MUSK: variants seen among roughly 807,000 people sequenced by gnomAD.
MUSK encodes the protein muscle associated receptor tyrosine kinase.
Under a neutral mutation model 88.7 loss-of-function variants are expected in MUSK, and 55 were observed. The observed-to-expected ratio is 0.62, with a 90% confidence interval of 0.50 to 0.78. The LOEUF (loss-of-function observed/expected upper bound fraction) is 0.78, where lower values mean the gene tolerates loss of function less well. Ranked by LOEUF, MUSK falls within the 30% of genes least tolerant of loss-of-function variation. MUSK has a pLI of 0.00. For synonymous variants in MUSK, 387 were observed against 391.9 expected, an observed-to-expected ratio of 0.99 and a Z score of 0.15; for missense variants, 1,015 against 1,074.3, an observed-to-expected ratio of 0.94 and a Z score of 0.77.
Position 110,775,906 on chromosome 9 carries a change from A to G in MUSK, c.1303A>G (p.Ser435Gly). The G allele has an allele frequency of 2.5e-6, 4 of 1,614,010 alleles. No individual in the cohort carries two copies. Among genetic ancestry groups the G allele is most frequent in the Non-Finnish European group, 3.4e-6 (4 of 1,179,856 alleles). ...EMHLLSVPEC[S>G]KLPSMHWDPT... is the part of the protein sequence containing the mutation. The stretch of plus-strand genomic sequence containing the variant: ...GCATTTGCTGTCCGTGCCAGAATGC[A>G]GCAAGCTTCCCAGCATGCATTGGGA... Residue 435 changes from serine to glycine, a missense_variant, in exon 10 of 15, where the codon AGC becomes GGC. Transcript: ENST00000374448.
At chr9:110,702,532 AG>A (rs2131741838) in intron 5 of MUSK, among the ~76,000 whole-genome samples, 1 of 152,306 alleles carries the variant, frequency 6.6e-6, no homozygotes, top group South Asian at 2.1e-4. Context: ...TTCAACACTC[AG>A]GACTATAGCT....
At chr9:110,768,299 A>G (rs368977901) in intron 9 of MUSK, among the ~76,000 whole-genome samples, 1 of 152,226 alleles carries the variant, frequency 6.6e-6, no homozygotes, top group African/African-American at 2.4e-5. Context: ...GGAGTTTAAC[A>G]CCAGCCTGTC....
Position 110,775,912 on chromosome 9 carries a change from C to A in MUSK, c.1309C>A (p.Leu437Ile). ...HLLSVPECSK[L>I]PSMHWDPTAC... is the part of the protein sequence containing the mutation. ...GCTGTCCGTGCCAGAATGCAGCAAG[C>A]TTCCCAGCATGCATTGGGACCCCAC... The change falls in exon 10 of 15, where the codon CTT (leucine) becomes ATT (isoleucine). Residue 437 changes from leucine (L) to isoleucine (I), a missense_variant. Transcript: ENST00000374448. 1 of 1,614,018 alleles carries A rather than the reference C, an allele frequency of 6.2e-7. No homozygotes were observed. Among genetic ancestry groups the A allele is most frequent in the Non-Finnish European group, 8.5e-7 (1 of 1,179,852 alleles).
chr9:110,799,440 AC>A (rs2078058949), intron 14 of MUSK, among the ~76,000 whole-genome samples: 1 of 152,192 alleles, frequency 6.6e-6, no homozygotes, highest in South Asian at 2.1e-4. Context: ...ACATTGTAAA[AC>A]CTAAATTTCA....
chr9:110,756,843 A>ATG (rs767205372), intron 7 of MUSK, among the ~76,000 whole-genome samples: 83 of 149,798 alleles, frequency 5.5e-4, no homozygotes, highest in East Asian at 5.3e-3. Context: ...GTCAAGTTGT[A>ATG]TGTGTGTGTG....
intron 5 of MUSK, among the ~76,000 whole-genome samples, chr9:110,727,852 T>C (rs1041811619): frequency 2.6e-5 from 4 of 152,110 alleles, no homozygotes; most frequent in Non-Finnish European, 5.9e-5. Context: ...CAAATAAATA[T>C]TGCAGTTGAC....
chr9:110,729,905 T>TA (rs1033534115), intron 5 of MUSK, among the ~76,000 whole-genome samples: 5 of 152,062 alleles, frequency 3.3e-5, no homozygotes, highest in African/African-American at 9.7e-5. Flanking sequence ...TTGGGCTTTT[T>TA]ATTACACTCC....
At position 110,776,630 on chromosome 9, in the gene MUSK, A is replaced by G. The variant is rs2077675784; in HGVS notation, c.1361-2A>G. The G allele has an allele frequency of 6.3e-7, 1 of 1,598,822 alleles. No homozygotes were observed. Among genetic ancestry groups the G allele is most frequent in the Non-Finnish European group, 8.6e-7 (1 of 1,167,700 alleles). ...AACAAATTTTTATCCTTTCCCCTTC[A>G]GATTATAACAAAGAAAACCTAAAAA... On this transcript the variant is annotated splice_acceptor_variant, in intron 10 of 14. Coordinates refer to ENST00000374448, the MANE Select transcript of MUSK (RefSeq NM_005592.4). LOFTEE classifies it high-confidence loss of function.
chr9:110,700,940 C>G (rs1267929901), intron 5 of MUSK, among the ~76,000 whole-genome samples: 1 of 152,106 alleles, frequency 6.6e-6, no homozygotes, highest in Non-Finnish European at 1.5e-5. Context: ...GACAGGAAGA[C>G]AGAATGTCCT....
At chr9:110,744,354 C>A (rs769020994) in intron 6 of MUSK, among the ~76,000 whole-genome samples, 6 of 152,184 alleles carry the variant, frequency 3.9e-5, no homozygotes, top group Non-Finnish European at 7.3e-5. Flanking sequence ...GAATACCTTT[C>A]AGAGGTCTTC....
intron 8 of MUSK, among the ~76,000 whole-genome samples, chr9:110,762,601 T>C (rs2077418360): frequency 6.6e-6 from 1 of 152,204 alleles, no homozygotes; most frequent in South Asian, 2.1e-4. Flanking sequence ...AAAGTTTCTT[T>C]GAACTGGAGA....
rs1360823527 is a variant in MUSK, at chr9:110,704,309, G to T, written c.628+6843G>T. ...TGCAGCCATTAAAAAGAATGAGATGGATTTATATACATTAACTTCTAAAAT... is the reference window on the plus strand; with the variant it reads ...TGCAGCCATTAAAAAGAATGAGATGTATTTATATACATTAACTTCTAAAAT... On this transcript the variant is annotated intron_variant, in intron 5 of 14. Transcript: ENST00000374448. Among the ~76,000 whole-genome samples, 7 of 152,098 alleles carry T rather than the reference G, an allele frequency of 4.6e-5. No homozygotes were observed. In the East Asian group the frequency reaches 1.3e-3, roughly 29 times the overall value.
chr9:110,754,547 C>T (rs2077287921), intron 7 of MUSK, among the ~76,000 whole-genome samples: 3 of 152,176 alleles, frequency 2.0e-5, no homozygotes, highest in Admixed American at 2.0e-4. Flanking sequence ...ATTATCCCCT[C>T]CCAGGTACTA....
At position 110,765,540 on chromosome 9, in the gene MUSK, G is replaced by A. The variant is rs145011347; in HGVS notation, c.921-2280G>A. On this transcript the variant is annotated intron_variant, in intron 8 of 14. Coordinates refer to ENST00000374448, the MANE Select transcript of MUSK (RefSeq NM_005592.4). ...TTTGATCACAGTTTTACATAACATG[G>A]GACCCTTCAGAATAAAGACCCCAGA... 8.6e-5 allele frequency among the ~76,000 whole-genome samples: 13 copies of A among 151,766 alleles called. No homozygotes were observed. In the East Asian group the frequency reaches 2.6e-3, roughly 30 times the overall value.
chr9:110,689,559 A>G (rs1293092575), intron 3 of MUSK, among the ~76,000 whole-genome samples: 22 of 97,710 alleles, frequency 2.3e-4, no homozygotes, highest in Admixed American at 6.9e-4. Flanking sequence ...ATATTTATAT[A>G]TTATATATAT....
rs1027725816 is a variant in MUSK at position 110,806,295 on chromosome 9, T to C, written c.*5307T>C. 3.3e-5 allele frequency among the ~76,000 whole-genome samples: 5 copies of C among 152,188 alleles called. No homozygotes were observed. Among genetic ancestry groups the C allele is most frequent in the Admixed American group, 2.0e-4 (3 of 15,274 alleles). ...TTATCACAACTTTCACAAATATTTC[T>C]AAATAAAGGTTACCTACTGATTCTG... On this transcript the variant is annotated 3_prime_UTR_variant, in exon 15 of 15. Transcript: ENST00000374448.
chr9:110,689,998 TTA>T (rs1564218822), intron 3 of MUSK, among the ~76,000 whole-genome samples: 2 of 88,204 alleles, frequency 2.3e-5, no homozygotes, highest in Non-Finnish European at 1.9e-5. Context: ...TAATTATATA[TTA>T]TATATTATAA....
chr9:110,696,802 T>C (rs2131718448), intron 4 of MUSK, among the ~76,000 whole-genome samples: 1 of 152,174 alleles, frequency 6.6e-6, no homozygotes, highest in East Asian at 1.9e-4. Flanking sequence ...GTTTATTTAT[T>C]CATATTTCAA....
At chr9:110,749,535 GT>G (rs1218613560) in intron 7 of MUSK, among the ~76,000 whole-genome samples, 2 of 152,194 alleles carry the variant, frequency 1.3e-5, no homozygotes, top group African/African-American at 4.8e-5. Flanking sequence ...GCCTGCATAG[GT>G]TTAGTATATT....
Sources: allele counts gnomAD v4.1 joint callset (sites outside exome capture counted in the v4.1 genomes callset), GRCh38; gene constraint gnomAD v4.1.1; transcripts MANE v1.5; gene names NCBI Gene and HGNC (gene_info 2026-07-23, HGNC 2026-07-21).